The following SIPA1L1 variants were observed in gnomAD, a reference collection of about 807,000 sequenced individuals.
SIPA1L1 encodes the protein signal induced proliferation associated 1 like 1, also known as signal-induced proliferation-associated 1-like protein 1.
A neutral mutation model predicts 162.7 loss-of-function variants in SIPA1L1; 26 were observed. That is an observed-to-expected ratio of 0.16 (90% CI 0.12 to 0.22). SIPA1L1 has a LOEUF of 0.22. Ranked by LOEUF, SIPA1L1 falls within the 10% of genes least tolerant of loss-of-function variation. The pLI is 1.00. For synonymous variants in SIPA1L1, 829 were observed against 837.4 expected (o/e 0.99, Z 0.17); for missense variants, 1,874 against 2,241.0 (o/e 0.84, Z 3.31).
At chr14:71,423,890 T>C (rs2140727072) in intron 2 of SIPA1L1, among the ~76,000 whole-genome samples, 1 of 152,280 alleles carries the variant, frequency 6.6e-6, no homozygotes, top group Middle Eastern at 3.4e-3. Context: ...TGTATGTTGT[T>C]TTGGGTAATA....
intron 2 of SIPA1L1, among the ~76,000 whole-genome samples, chr14:71,480,752 ACT>A (rs2048294168): frequency 6.6e-6 from 1 of 152,046 alleles, no homozygotes; most frequent in Non-Finnish European, 1.5e-5. Flanking sequence ...ACAGAGCAAG[ACT>A]CTGTTTCCAA....
rs977799930 is a variant in SIPA1L1 at position 71,672,399 on chromosome 14, C to A, written c.2881C>A (p.Leu961Ile). Residue 961 changes from leucine (L) to isoleucine (I), a missense_variant, in exon 12 of 24, where the codon CTA (leucine) becomes ATA (isoleucine). Leu to Ile is a conservative substitution (Grantham distance 5). This residue lies in a region of SIPA1L1 where 10 missense variants were observed against 28.9 expected (regional missense o/e 0.35). Coordinates refer to ENST00000381232, the MANE Select transcript of SIPA1L1 (RefSeq NM_001386936.1). ...SVEMTLRRNG[L>I]GQLGFHVNYE... is the part of the protein sequence containing the mutation. The stretch of plus-strand genomic sequence containing the variant: ...GGAGATGACTCTGCGAAGAAATGGG[C>A]TAGGACAGCTTGGCTTCCATGTCAA... 1.2e-6 allele frequency: 2 copies of A among 1,614,090 alleles called. No homozygotes were observed. Among genetic ancestry groups the A allele is most frequent in the African/African-American group, 2.7e-5 (2 of 74,934 alleles).
At chr14:71,488,401 T>C (rs1025738084) in intron 2 of SIPA1L1, among the ~76,000 whole-genome samples, 1 of 152,322 alleles carries the variant, frequency 6.6e-6, no homozygotes, top group Admixed American at 6.5e-5. Flanking sequence ...AAGTGATTTT[T>C]CAAATGTGGA....
intron 4 of SIPA1L1, among the ~76,000 whole-genome samples, chr14:71,544,230 T>TG (rs1335679604): frequency 1.0e-4 from 15 of 149,852 alleles, no homozygotes; most frequent in Non-Finnish European, 1.8e-4. Context: ...TATACATATA[T>TG]CATGTATGTA....
Position 71,709,476 on chromosome 14 carries a change from C to T in SIPA1L1, c.4020C>T (p.Pro1340=), listed in dbSNP as rs146843857. ...GGCCAGGCAAGGAGAAAGTGGCACC[C>T]CTATGGCACAGCTCCAGTGAAGTAA... ...RSGPGKEKVA[P]LWHSSSEVIS... Residue 1340 remains proline (P), a synonymous_variant, in exon 17 of 24, where the codon CCC becomes CCT. Coordinates refer to ENST00000381232, the MANE Select transcript of SIPA1L1 (RefSeq NM_001386936.1). The T allele has an allele frequency of 1.4e-5, 22 of 1,614,110 alleles. No individual in the cohort carries two copies. The African/African-American group carries it at 2.9e-4, about 22-fold the overall frequency.
chr14:71,552,750 A>G (rs974418007), intron 4 of SIPA1L1, among the ~76,000 whole-genome samples: 1 of 152,192 alleles, frequency 6.6e-6, no homozygotes, highest in South Asian at 2.1e-4. Flanking sequence ...CCTTAGTATG[A>G]AAGTTCAGTC....
intron 7 of SIPA1L1, among the ~76,000 whole-genome samples, chr14:71,638,051 A>C (rs1203363200): frequency 6.6e-6 from 1 of 152,220 alleles, no homozygotes; most frequent in Non-Finnish European, 1.5e-5. Flanking sequence ...TTATTGAAAA[A>C]AATTGAATTC....
chr14:71,635,697 T>C (rs865887087), intron 7 of SIPA1L1, among the ~76,000 whole-genome samples: 2 of 152,106 alleles, frequency 1.3e-5, no homozygotes, highest in South Asian at 4.2e-4. Flanking sequence ...ATAAAATAAA[T>C]GAAAGATAAA....
At chr14:71,736,167 G>A (rs917409072) in intron 22 of SIPA1L1, among the ~76,000 whole-genome samples, 18 of 152,302 alleles carry the variant, frequency 1.2e-4, no homozygotes, top group African/African-American at 3.6e-4. Context: ...AGGCCAAGGC[G>A]GGCAGATTGC....
intron 4 of SIPA1L1, among the ~76,000 whole-genome samples, chr14:71,543,561 A>G (rs766935005): frequency 9.9e-5 from 15 of 152,178 alleles, no homozygotes; most frequent in Non-Finnish European, 1.6e-4. Flanking sequence ...TGGTATTATC[A>G]GTTTTTAAAT....
chr14:71,444,039 T>G (rs971864385), intron 2 of SIPA1L1, among the ~76,000 whole-genome samples: 5 of 152,176 alleles, frequency 3.3e-5, no homozygotes, highest in Admixed American at 1.3e-4. Flanking sequence ...TTTTCTTCAT[T>G]TATTAGTTTC....
At chr14:71,388,049 C>T (rs2141295472) in intron 2 of SIPA1L1, among the ~76,000 whole-genome samples, 1 of 152,342 alleles carries the variant, frequency 6.6e-6, no homozygotes, top group Non-Finnish European at 1.5e-5. Context: ...TATCAGTGCA[C>T]AGCACATACT....
intron 5 of SIPA1L1, among the ~76,000 whole-genome samples, chr14:71,616,922 A>G (rs142595174): frequency 5.9e-4 from 90 of 152,220 alleles, no homozygotes; most frequent in African/African-American, 2.1e-3. Flanking sequence ...CCACCTGCCC[A>G]TTGTGAGATA....
Position 71,672,522 on chromosome 14 carries a change from G to C in SIPA1L1, c.3004G>C (p.Val1002Leu). Residue 1002 changes from valine (V) to leucine (L), a missense_variant, in exon 12 of 24, where the codon GTA becomes CTA. Coordinates refer to ENST00000381232, the MANE Select transcript of SIPA1L1 (RefSeq NM_001386936.1). ...SRLVEICKVA[V>L]ATLSHEQMID... ...CCTGGTGGAGATCTGCAAGGTGGCG[G>C]TAGCCACTCTGAGCCATGAGCAGAT... 1.2e-6 allele frequency: 2 copies of C among 1,611,728 alleles called. No homozygotes were observed. The highest frequency in any genetic ancestry group is 1.7e-6 in the Non-Finnish European group (2 of 1,179,460).
intron 17 of SIPA1L1, among the ~76,000 whole-genome samples, chr14:71,722,469 A>G (rs1331053878): frequency 6.6e-6 from 1 of 152,214 alleles, no homozygotes; most frequent in Non-Finnish European, 1.5e-5. Flanking sequence ...CCTCAAGTAA[A>G]AATAACTGAA....
At chr14:71,371,716 A>G (rs1028094865) in intron 2 of SIPA1L1, among the ~76,000 whole-genome samples, 1 of 152,168 alleles carries the variant, frequency 6.6e-6, no homozygotes, top group Non-Finnish European at 1.5e-5. Context: ...TTCAAAGCAT[A>G]TTAAAATATC....
In SIPA1L1 at chr14:71,709,342, A is replaced by T; in HGVS notation, c.3886A>T (p.Asn1296Tyr). 1 of 1,614,216 alleles carries T rather than the reference A, an allele frequency of 6.2e-7. No homozygotes were observed. The highest frequency in any genetic ancestry group is 2.2e-5 in the East Asian group (1 of 44,886). Residue 1296 changes from asparagine (N) to tyrosine (Y), a missense_variant, in exon 17 of 24, where the codon AAC becomes TAC. This residue lies in a region of SIPA1L1 where 936 missense variants were observed against 1,051.9 expected (regional missense o/e 0.89). Coordinates refer to ENST00000381232, the MANE Select transcript of SIPA1L1 (RefSeq NM_001386936.1). ...DRTESELNSY[N>Y]YLQGTSADSG... ...CACAGAATCCGAACTCAACAGCTAT[A>T]ACTATCTGCAAGGCACCTCTGCTGA...
At chr14:71,516,784 C>G in intron 3 of SIPA1L1, among the ~76,000 whole-genome samples, 1 of 151,594 alleles carries the variant, frequency 6.6e-6, no homozygotes, top group Non-Finnish European at 1.5e-5. Context: ...ACCAGCCTGG[C>G]CAACATGGCA....
chr14:71,710,949 C>T (rs2082834791), intron 17 of SIPA1L1, among the ~76,000 whole-genome samples: 1 of 152,142 alleles, frequency 6.6e-6, no homozygotes. Context: ...AGGACATCCT[C>T]TACTTAATTT....
Sources: allele counts gnomAD v4.1 joint callset (sites outside exome capture counted in the v4.1 genomes callset), GRCh38; gene constraint gnomAD v4.1.1; regional missense constraint gnomAD v4.1.1; transcripts MANE v1.5; gene names NCBI Gene and HGNC (gene_info 2026-07-23, HGNC 2026-07-21).